The following RSRC1 variants were observed in gnomAD, a reference collection of about 807,000 sequenced individuals.
RSRC1 encodes serine/Arginine-related protein 53.
In RSRC1, 39 loss-of-function variants were observed where a neutral mutation model predicts 49.1. The observed-to-expected ratio is 0.79, with a 90% CI of 0.61 to 1.04. The LOEUF is 1.04. RSRC1 is among the 50% of genes least tolerant of loss of function. The pLI, the probability that RSRC1 is intolerant of heterozygous loss-of-function variation, is 0.00. For synonymous variants in RSRC1, 143 were observed against 130.8 expected (o/e 1.09, Z -0.63); for missense variants, 388 against 402.4 (o/e 0.96, Z 0.31).
At chr3:158,314,314 A>C (rs1728292248) in intron 5 of RSRC1, among the ~76,000 whole-genome samples, 1 of 152,052 alleles carries the variant, frequency 6.6e-6, no homozygotes, top group African/African-American at 2.4e-5. Flanking sequence ...GCTGGTCTCG[A>C]ACTCCTGACC....
intron 6 of RSRC1, among the ~76,000 whole-genome samples, chr3:158,448,382 TA>T (rs2108385474): frequency 6.6e-6 from 1 of 151,858 alleles, no homozygotes; most frequent in East Asian, 1.9e-4. Context: ...ATTCAGGTTA[TA>T]AAAAAATGTT....
intron 4 of RSRC1, chr3:158,225,803 A>G: frequency 2.6e-6 from 1 of 387,722 alleles, no homozygotes; most frequent in East Asian, 7.6e-5. Context: ...CTTTAAAATA[A>G]GGACTACTTG....
chr3:158,162,470 G>A (rs975115473), intron 3 of RSRC1, among the ~76,000 whole-genome samples: 3 of 152,130 alleles, frequency 2.0e-5, no homozygotes, highest in African/African-American at 7.2e-5. Context: ...CAATGGAGTA[G>A]TTAGGATAAT....
Position 158,137,697 on chromosome 3 carries a change from A to G in RSRC1, c.320+13706A>G, listed in dbSNP as rs1341593565. The stretch of plus-strand genomic sequence containing the variant: ...AGATGGAGTCTTGCACCTGTCGCCC[A>G]GGCTGGAGTGCAGTGGCACCATCTC... On this transcript the variant is annotated intron_variant, in intron 3 of 9. Coordinates refer to ENST00000611884, the MANE Select transcript of RSRC1 (RefSeq NM_001271838.2). Among the ~76,000 whole-genome samples the G allele has an allele frequency of 3.9e-4, 54 of 139,396 alleles. 1 individual carries two copies. The Admixed American group carries it at 4.2e-3, about 11-fold the overall frequency. 91.4% of individuals were successfully genotyped at this position (139,396 alleles called of 152,430 possible). A position where few individuals can be genotyped will look rare whatever the true frequency, so the allele number is the denominator to read the frequency against.
intron 4 of RSRC1, among the ~76,000 whole-genome samples, chr3:158,284,796 C>T (rs1182266362): frequency 6.6e-6 from 1 of 151,146 alleles, no homozygotes; most frequent in African/African-American, 2.4e-5. Flanking sequence ...GATATTAGCC[C>T]TTTGTCAGAT....
intron 5 of RSRC1, among the ~76,000 whole-genome samples, chr3:158,309,235 C>T (rs758388741): frequency 4.6e-5 from 7 of 151,740 alleles, no homozygotes; most frequent in Non-Finnish European, 8.9e-5. Context: ...TGTTAGCGCT[C>T]TCTGAAGTAT....
intron 7 of RSRC1, among the ~76,000 whole-genome samples, chr3:158,524,387 G>A (rs1016880116): frequency 6.6e-6 from 1 of 151,866 alleles, no homozygotes; most frequent in Non-Finnish European, 1.5e-5. Context: ...TTCTTAAAAC[G>A]ATTTGTAAGC....
At chr3:158,505,907 A>G (rs1302908948) in intron 7 of RSRC1, among the ~76,000 whole-genome samples, 5 of 152,178 alleles carry the variant, frequency 3.3e-5, no homozygotes, top group African/African-American at 9.7e-5. Flanking sequence ...TGATTCATGT[A>G]GGAAAATGAT....
intron 7 of RSRC1, among the ~76,000 whole-genome samples, chr3:158,497,341 C>T (rs899841153): frequency 2.0e-5 from 3 of 151,714 alleles, no homozygotes; most frequent in Non-Finnish European, 2.9e-5. Flanking sequence ...GATTTTGGTG[C>T]ACCCATCACC....
intron 5 of RSRC1, among the ~76,000 whole-genome samples, chr3:158,311,876 A>G (rs551952318): frequency 7.9e-5 from 12 of 152,270 alleles, no homozygotes; most frequent in African/African-American, 2.6e-4. Context: ...ACCAAAAAAA[A>G]TAAAAATATG....
At chr3:158,197,269 A>G (rs979424862) in intron 3 of RSRC1, among the ~76,000 whole-genome samples, 3 of 152,056 alleles carry the variant, frequency 2.0e-5, no homozygotes, top group Admixed American at 2.0e-4. Flanking sequence ...TTTCTTCTAG[A>G]TTTTCTAGTT....
At position 158,277,911 on chromosome 3, in the gene RSRC1, C is replaced by T. The variant is rs540370363; in HGVS notation, c.495-20128C>T. On this transcript the variant is annotated intron_variant, in intron 4 of 9. Transcript: ENST00000611884. ...AAGCAATCCTCTCACTCAGCCCCCACCTAGTAGTTGGGATTATAGGCATGA... is the reference window on the plus strand; with the variant it reads ...AAGCAATCCTCTCACTCAGCCCCCATCTAGTAGTTGGGATTATAGGCATGA... Among the ~76,000 whole-genome samples, 21 of 152,288 alleles carry T rather than the reference C, an allele frequency of 1.4e-4. No individual in the cohort carries two copies. The East Asian group carries it at 3.9e-3, about 28-fold the overall frequency.
At chr3:158,243,825 T>G (rs908196025) in intron 4 of RSRC1, among the ~76,000 whole-genome samples, 14 of 152,178 alleles carry the variant, frequency 9.2e-5, no homozygotes, top group African/African-American at 3.1e-4. Flanking sequence ...AATTCATTCA[T>G]GATTTGGCTC....
intron 3 of RSRC1, among the ~76,000 whole-genome samples, chr3:158,197,542 G>T (rs1208315619): frequency 6.6e-6 from 1 of 152,060 alleles, no homozygotes; most frequent in Non-Finnish European, 1.5e-5. Context: ...CCTTCTGCTA[G>T]CTTTTGAATG....
intron 3 of RSRC1, among the ~76,000 whole-genome samples, chr3:158,144,619 G>A (rs139119024): frequency 0.12 from 18,261 of 152,140 alleles, 1,355 homozygotes; most frequent in Middle Eastern, 0.2. Flanking sequence ...CTTTATAGCA[G>A]CATGATTTAT....
intron 4 of RSRC1, among the ~76,000 whole-genome samples, chr3:158,229,252 A>C (rs866802413): frequency 1.4e-5 from 2 of 147,612 alleles, no homozygotes; most frequent in African/African-American, 2.5e-5. Flanking sequence ...GTATATAAAC[A>C]TACATGTATA....
chr3:158,270,855 A>G (rs1725479708), intron 4 of RSRC1, among the ~76,000 whole-genome samples: 1 of 152,064 alleles, frequency 6.6e-6, no homozygotes, highest in African/African-American at 2.4e-5. Flanking sequence ...TTTCTGAACT[A>G]TTTTCCTATA....
chr3:158,387,132 A>G (rs1439559784), intron 6 of RSRC1, among the ~76,000 whole-genome samples: 1 of 152,118 alleles, frequency 6.6e-6, no homozygotes, highest in East Asian at 1.9e-4. Flanking sequence ...GTAATTAGGG[A>G]AATATCTGCC....
intron 7 of RSRC1, among the ~76,000 whole-genome samples, chr3:158,518,812 A>G (rs531048891): frequency 2.6e-4 from 39 of 152,142 alleles, no homozygotes; most frequent in Non-Finnish European, 4.6e-4. Flanking sequence ...ATAGTACTGA[A>G]TCTGGTTTTT....
Sources: gnomAD v4.1 joint callset for allele counts (sites outside exome capture counted in the v4.1 genomes callset) on GRCh38, gnomAD v4.1.1 for gene constraint, MANE v1.5 for transcripts, NCBI Gene and HGNC (gene_info 2026-07-23, HGNC 2026-07-21) for gene names.